Variants in THOC7 observed in about 807,000 individuals in gnomAD.
THOC7 encodes the protein NIF3L1-binding protein 1.
THOC7 carries 22 observed loss-of-function variants against 33.1 expected under a neutral mutation model. That is an observed-to-expected ratio of 0.66 (90% CI 0.47 to 0.95). The LOEUF (loss-of-function observed/expected upper bound fraction) is 0.95, where lower values mean the gene tolerates loss of function less well. Ranked by LOEUF, THOC7 falls within the 40% of genes least tolerant of loss-of-function variation. The pLI, the probability that THOC7 is intolerant of heterozygous loss-of-function variation, is 0.00. For synonymous variants in THOC7, 77 were observed against 76.8 expected (o/e 1.00, Z -0.01); for missense variants, 184 against 245.3 (o/e 0.75, Z 1.67).
intron 1 of THOC7, among the ~76,000 whole-genome samples, chr3:63,852,612 GA>G: frequency 1.3e-5 from 2 of 152,252 alleles, no homozygotes; most frequent in Middle Eastern, 6.8e-3. Flanking sequence ...CAAATAGCAG[GA>G]CCCAAAGATA....
intron 1 of THOC7, among the ~76,000 whole-genome samples, chr3:63,855,007 C>CA (rs758785703): frequency 0.016 from 1,494 of 91,402 alleles, 12 homozygotes; most frequent in Middle Eastern, 0.051. Context: ...GACTCCGTCT[C>CA]AAAAAAAAAA....
upstream of THOC7, chr3:63,863,939 C>A: frequency 6.5e-6 from 1 of 153,678 alleles, no homozygotes; most frequent in Non-Finnish European, 1.2e-5. Context: ...GACGCCTGAG[C>A]CGCGCCGCGC....
At chr3:63,842,345 C>G (rs1701780765) in intron 1 of THOC7, among the ~76,000 whole-genome samples, 1 of 151,966 alleles carries the variant, frequency 6.6e-6, no homozygotes, top group Non-Finnish European at 1.5e-5. Flanking sequence ...GAAAGCAGAA[C>G]CCTTATACAC....
chr3:63,852,027 C>T (rs1489349846), intron 1 of THOC7, among the ~76,000 whole-genome samples: 3 of 152,146 alleles, frequency 2.0e-5, no homozygotes, highest in Non-Finnish European at 4.4e-5. Flanking sequence ...TCTCTGCTCC[C>T]TGCATTCTGG....
chr3:63,862,181 A>AT (rs1235091434), intron 1 of THOC7, among the ~76,000 whole-genome samples: 3 of 152,240 alleles, frequency 2.0e-5, no homozygotes, highest in Non-Finnish European at 4.4e-5. Flanking sequence ...TCTCTGGCTC[A>AT]TAACTTTCTA....
chr3:63,835,422 T>G, intron 5 of THOC7, 32 bp from the exon 6 acceptor site: 2 of 1,601,904 alleles, frequency 1.2e-6, no homozygotes, highest in Non-Finnish European at 1.7e-6. Flanking sequence ...TACATTTTGC[T>G]GAATGGGGGA....
At chr3:63,841,074 T>C (rs917554764) in intron 1 of THOC7, among the ~76,000 whole-genome samples, 6 of 152,180 alleles carry the variant, frequency 3.9e-5, no homozygotes, top group African/African-American at 9.7e-5. Flanking sequence ...CATAATGTAA[T>C]AGTATGAGCC....
At chr3:63,843,867 C>T (rs1701825513) in intron 1 of THOC7, among the ~76,000 whole-genome samples, 1 of 151,822 alleles carries the variant, frequency 6.6e-6, no homozygotes, top group Non-Finnish European at 1.5e-5. Context: ...CGCCACTGCA[C>T]TCCAGCCTGG....
intron 1 of THOC7, among the ~76,000 whole-genome samples, chr3:63,856,977 C>A (rs1305565219): frequency 1.3e-5 from 2 of 152,220 alleles, no homozygotes; most frequent in Non-Finnish European, 2.9e-5. Flanking sequence ...CTCGGCCTCC[C>A]CAAGTGCTGG....
At chr3:63,849,975 A>C (rs955285637) in intron 1 of THOC7, among the ~76,000 whole-genome samples, 1 of 152,352 alleles carries the variant, frequency 6.6e-6, no homozygotes, top group Non-Finnish European at 1.5e-5. Context: ...AGAATGCCTG[A>C]TGTCACACCA....
At chr3:63,846,733 G>A (rs1701905753) in intron 1 of THOC7, among the ~76,000 whole-genome samples, 1 of 152,092 alleles carries the variant, frequency 6.6e-6, no homozygotes, top group South Asian at 2.1e-4. Flanking sequence ...TATAACCCCA[G>A]TATACTTGAT....
chr3:63,836,456 C>T, intron 4 of THOC7, 98 bp from the exon 5 acceptor site: 1 of 1,091,554 alleles, frequency 9.2e-7, no homozygotes, highest in African/African-American at 1.6e-5. Context: ...AATCACTTTC[C>T]TAGTACATCA....
At chr3:63,839,880 T>G in intron 1 of THOC7, 107 bp from the exon 2 acceptor site, 1 of 866,364 alleles carries the variant, frequency 1.2e-6, no homozygotes, top group South Asian at 1.6e-5. Flanking sequence ...TATTGAAATG[T>G]AAATGCATTT....
At chr3:63,839,391 C>A (rs1377947562) in intron 2 of THOC7, among the ~76,000 whole-genome samples, 1 of 152,108 alleles carries the variant, frequency 6.6e-6, no homozygotes, top group Admixed American at 6.6e-5. Flanking sequence ...TTACTAAACA[C>A]TTATGTCCTA....
chr3:63,835,654 A>G (rs1465443715), intron 5 of THOC7, among the ~76,000 whole-genome samples: 1 of 152,142 alleles, frequency 6.6e-6, no homozygotes, highest in Non-Finnish European at 1.5e-5. Context: ...AACAAGACCC[A>G]AGAAATGATA....
chr3:63,857,376 A>G (rs1212420237), intron 1 of THOC7, among the ~76,000 whole-genome samples: 1 of 152,222 alleles, frequency 6.6e-6, no homozygotes, highest in Non-Finnish European at 1.5e-5. Context: ...TAAAGCTATG[A>G]TATGTTAACA....
In THOC7 at chr3:63,841,332, A is replaced by T. The variant is rs374185828; in HGVS notation, c.20-1559T>A. Among the ~76,000 whole-genome samples, 3 of 152,334 alleles carry T rather than the reference A, an allele frequency of 2.0e-5. No homozygotes were observed. In the East Asian group the frequency reaches 5.8e-4, roughly 29 times the overall value. ...GAGGGACTACAGATAGAGGTGGGAA[A>T]AGATAATTTTCCTGCATGTCTTTGT... On this transcript the variant is annotated intron_variant, in intron 1 of 7. Transcript: ENST00000295899.
At chr3:63,835,256 A>G (rs1701605806) in intron 6 of THOC7, 33 bp from the exon 7 acceptor site, 1 of 1,612,626 alleles carries the variant, frequency 6.2e-7, no homozygotes, top group Non-Finnish European at 8.5e-7. Flanking sequence ...TATACAAATG[A>G]CCTGTATATA....
chr3:63,859,969 GATTTT>G (rs2107168672), intron 1 of THOC7, among the ~76,000 whole-genome samples: 1 of 152,238 alleles, frequency 6.6e-6, no homozygotes, highest in African/African-American at 2.4e-5. Context: ...ATTGTCCATT[GATTTT>G]ATTTATTTAT....
Sources: gnomAD v4.1 joint callset for allele counts (sites outside exome capture counted in the v4.1 genomes callset) on GRCh38, gnomAD v4.1.1 for gene constraint, MANE v1.5 for transcripts, NCBI Gene and HGNC (gene_info 2026-07-23, HGNC 2026-07-21) for gene names.